The following ATP6V0D1 variants were observed in gnomAD, a reference collection of about 807,000 sequenced individuals.
ATP6V0D1 encodes V-type proton ATPase subunit d 1.
In ATP6V0D1, 13 loss-of-function variants were observed where a neutral mutation model predicts 39.0. That is an observed-to-expected ratio of 0.33 (90% CI 0.22 to 0.53). The LOEUF (loss-of-function observed/expected upper bound fraction) is 0.53. ATP6V0D1 is among the 20% of genes least tolerant of loss of function. The pLI is 0.94. For synonymous variants in ATP6V0D1, 191 were observed against 191.2 expected (o/e 1.00, Z 0.01); for missense variants, 272 against 470.9 (o/e 0.58, Z 3.91).
intron 1 of ATP6V0D1, among the ~76,000 whole-genome samples, chr16:67,478,484 C>T (rs1168203430): frequency 6.6e-6 from 1 of 151,936 alleles, no homozygotes; most frequent in South Asian, 2.1e-4. Context: ...CATGGTGGCA[C>T]ATGCCTGTAA....
rs539959998 is a variant in ATP6V0D1, at chr16:67,444,161, C to T, written c.481+367G>A. Among the ~76,000 whole-genome samples, 7 of 152,346 alleles carry T rather than the reference C, an allele frequency of 4.6e-5. No homozygotes were observed. Among genetic ancestry groups the T allele is most frequent in the African/African-American group, 1.4e-4 (6 of 41,582 alleles). ...GGCAGCCACTCTGGCTTTACTCAGG[C>T]TCCAGCTCCGGGCCACAGTCTGTCA... On this transcript the variant is annotated intron_variant, in intron 3 of 7. Coordinates refer to ENST00000290949, the MANE Select transcript of ATP6V0D1 (RefSeq NM_004691.5). The surrounding 1 kb of genome is among the most constrained non-coding windows in gnomAD (Gnocchi z 4.8).
At position 67,438,832 on chromosome 16, in the gene ATP6V0D1, A is replaced by G. The variant is rs1453481497; in HGVS notation, c.855T>C (p.Pro285=). 2.5e-6 allele frequency: 4 copies of G among 1,605,738 alleles called. No individual in the cohort carries two copies. In the South Asian group the frequency reaches 3.3e-5, roughly 13 times the overall value. The change falls in exon 7 of 8, where the codon CCT becomes CCC. Residue 285 remains proline, a synonymous_variant. Coordinates refer to ENST00000290949, the MANE Select transcript of ATP6V0D1 (RefSeq NM_004691.5). Reference sequence around the variant, plus strand: ...ATCGGTCCTCCAGCGTCTTGTCTCCAGGGTTGCTACCTGCACCCTCGAAGA... The same window carrying G: ...ATCGGTCCTCCAGCGTCTTGTCTCCGGGGTTGCTACCTGCACCCTCGAAGA... ...KLLFEGAGSN[P]GDKTLEDRFF... is the part of the protein sequence containing the mutation.
At chr16:67,457,245 C>A in intron 1 of ATP6V0D1, 1 of 260,536 alleles carries the variant, frequency 3.8e-6, no homozygotes. Flanking sequence ...CCCATCTCAG[C>A]CTCAGGAACA....
intron 2 of ATP6V0D1, among the ~76,000 whole-genome samples, chr16:67,448,312 C>T (rs1455259477): frequency 6.7e-6 from 1 of 150,064 alleles, no homozygotes; most frequent in African/African-American, 2.5e-5. Flanking sequence ...ATGATCATGC[C>T]ACTGCACTCC....
chr16:67,452,299 G>C (rs1480563792), intron 2 of ATP6V0D1: 1 of 1,535,722 alleles, frequency 6.5e-7, no homozygotes, highest in Non-Finnish European at 8.7e-7. Context: ...CCAGGAGAGG[G>C]CCTGCTTCCT....
chr16:67,448,950 A>G (rs2041147680), intron 2 of ATP6V0D1, among the ~76,000 whole-genome samples: 2 of 152,230 alleles, frequency 1.3e-5, no homozygotes, highest in Admixed American at 1.3e-4. Context: ...CAGTGACTGT[A>G]GATAGCAAAG....
At chr16:67,466,367 AC>A (rs2041330604) in intron 1 of ATP6V0D1, among the ~76,000 whole-genome samples, 1 of 150,748 alleles carries the variant, frequency 6.6e-6, no homozygotes, top group African/African-American at 2.4e-5. Context: ...ACACACACAC[AC>A]ACACACACAA....
At chr16:67,471,193 T>A (rs970298754) in intron 1 of ATP6V0D1, among the ~76,000 whole-genome samples, 12 of 152,186 alleles carry the variant, frequency 7.9e-5, no homozygotes, top group African/African-American at 2.2e-4. Flanking sequence ...CATTTATTAT[T>A]TCTTTGTTTT....
intron 2 of ATP6V0D1, among the ~76,000 whole-genome samples, chr16:67,451,320 G>A (rs2041177714): frequency 1.3e-5 from 2 of 152,148 alleles, no homozygotes; most frequent in Admixed American, 6.5e-5. Flanking sequence ...AAAAGTGCTC[G>A]AATGATGGAC....
intron 1 of ATP6V0D1, chr16:67,455,220 G>A (rs1372943969): frequency 6.6e-6 from 1 of 152,234 alleles, no homozygotes; most frequent in African/African-American, 2.4e-5. Flanking sequence ...CTCCCCAGAT[G>A]TCTTTGAGGC....
intron 1 of ATP6V0D1, among the ~76,000 whole-genome samples, chr16:67,462,643 T>G (rs184537354): frequency 5.9e-5 from 9 of 152,150 alleles, no homozygotes; most frequent in Admixed American, 3.9e-4. Flanking sequence ...CTGGGCAACA[T>G]AGTGAGACCT....
At chr16:67,475,113 T>TA (rs1331724040) in intron 1 of ATP6V0D1, among the ~76,000 whole-genome samples, 1 of 152,224 alleles carries the variant, frequency 6.6e-6, no homozygotes, top group Non-Finnish European at 1.5e-5. Context: ...GGTATCCTGT[T>TA]AAAGTACAAG....
At chr16:67,461,909 G>A (rs1312075662) in intron 1 of ATP6V0D1, among the ~76,000 whole-genome samples, 1 of 152,212 alleles carries the variant, frequency 6.6e-6, no homozygotes, top group African/African-American at 2.4e-5. Context: ...GGTGGTGGCA[G>A]AGACACATTT....
At chr16:67,440,640 C>CAGTT (rs1271372436) in intron 4 of ATP6V0D1, 9 of 152,242 alleles carry the variant, frequency 5.9e-5, no homozygotes, top group Admixed American at 5.9e-4. Flanking sequence ...AACCATCAGC[C>CAGTT]AACTTGGGCT....
chr16:67,446,762 C>T (rs1051260320), intron 2 of ATP6V0D1, among the ~76,000 whole-genome samples: 1 of 152,158 alleles, frequency 6.6e-6, no homozygotes, highest in Non-Finnish European at 1.5e-5. Context: ...AGTCACAAAT[C>T]CCCTGCCCCC....
rs375215242 is a variant in ATP6V0D1, at chr16:67,481,003, G to C, written c.84C>G (p.Leu28=). Residue 28 remains leucine, a synonymous_variant, in exon 1 of 8, where the codon CTC becomes CTG. Transcript: ENST00000290949. The part of the protein sequence containing the change: ...GLVRGLKAGV[L]SQADYLNLVQ... ...CCAGGTTGAGGTAGTCGGCCTGGCT[G>C]AGCACCCCGGCCTTCAGGCCGCGCA... 1 of 1,614,052 alleles carries C rather than the reference G, an allele frequency of 6.2e-7. No homozygotes were observed. Among genetic ancestry groups the C allele is most frequent in the Non-Finnish European group, 8.5e-7 (1 of 1,180,006 alleles).
At chr16:67,471,599 T>C (rs1567542480) in intron 1 of ATP6V0D1, among the ~76,000 whole-genome samples, 1 of 152,144 alleles carries the variant, frequency 6.6e-6, no homozygotes, top group African/African-American at 2.4e-5. Flanking sequence ...ATAGAACTTC[T>C]CCTATCTAGC....
chr16:67,440,130 A>G (rs1323734144), intron 4 of ATP6V0D1: 1 of 152,270 alleles, frequency 6.6e-6, no homozygotes, highest in Non-Finnish European at 1.5e-5. Flanking sequence ...ACCTTCCCTT[A>G]CAGAACACCT....
At chr16:67,464,972 G>T (rs1278176405) in intron 1 of ATP6V0D1, among the ~76,000 whole-genome samples, 1 of 152,224 alleles carries the variant, frequency 6.6e-6, no homozygotes, top group Non-Finnish European at 1.5e-5. Context: ...CCTACTCCTT[G>T]GTCCTTCAGG....
Sources: gnomAD v4.1 joint callset for allele counts (sites outside exome capture counted in the v4.1 genomes callset) on GRCh38, gnomAD v4.1.1 for gene constraint, Gnocchi (gnomAD v3.1) non-coding constraint, MANE v1.5 for transcripts, NCBI Gene and HGNC (gene_info 2026-07-23, HGNC 2026-07-21) for gene names.